Variants in RUNX1T1 observed in about 807,000 individuals in gnomAD.
The protein encoded by RUNX1T1 is RUNX1 partner transcriptional co-repressor 1, also known as protein CBFA2T1.
Under a neutral mutation model 62.8 loss-of-function variants are expected in RUNX1T1, and 4 were observed. That is an observed-to-expected ratio of 0.06 (90% confidence interval 0.03 to 0.15). The LOEUF (loss-of-function observed/expected upper bound fraction) is 0.15. Ranked by LOEUF, RUNX1T1 falls within the 10% of genes least tolerant of loss-of-function variation. The probability of loss-of-function intolerance (pLI) is 1.00; values close to 1 mark genes in which losing one functional copy is unlikely to be tolerated. For missense variants in RUNX1T1, 508 were observed against 754.3 expected (o/e 0.67, Z 3.82); for synonymous variants, 291 against 286.0 (o/e 1.02, Z -0.18).
At chr8:92,089,901 GT>G (rs1836709636) in intron 1 of RUNX1T1, among the ~76,000 whole-genome samples, 1 of 127,342 alleles carries the variant, frequency 7.9e-6, no homozygotes. Context: ...GATTTATAGT[GT>G]CACCCACCCC....
At chr8:91,994,477 C>T (rs1001225117) in intron 5 of RUNX1T1, 2 of 366,712 alleles carry the variant, frequency 5.5e-6, no homozygotes, top group Admixed American at 3.3e-5. Flanking sequence ...AATGCTAACA[C>T]AGCACCTACC....
chr8:92,075,614 T>C (rs910909930), intron 2 of RUNX1T1, among the ~76,000 whole-genome samples: 3 of 152,194 alleles, frequency 2.0e-5, no homozygotes, highest in Non-Finnish European at 2.9e-5. Flanking sequence ...ACAGAAATCA[T>C]GGCATAGTTT....
chr8:92,079,871 T>C lies in RUNX1T1; in HGVS notation c.-85-3734A>G, dbSNP rs564784031. ...TTCACTGACTTCACGGCCCTTCCCA[T>C]AGACTGCTGCACGGCCAGTTCTTCC... is the stretch of plus-strand genomic sequence containing the variant. On this transcript the variant is annotated intron_variant, in intron 1 of 11. Transcript: ENST00000265814. Among the ~76,000 whole-genome samples, 5 of 152,232 alleles carry C rather than the reference T, an allele frequency of 3.3e-5. No homozygotes were observed. The East Asian group carries it at 5.8e-4, about 18-fold the overall frequency.
intron 10 of RUNX1T1, among the ~76,000 whole-genome samples, chr8:91,970,365 C>T (rs1736185627): frequency 6.6e-6 from 1 of 152,148 alleles, no homozygotes; most frequent in South Asian, 2.1e-4. Context: ...ACATACACAA[C>T]AGACACACAC....
intron 1 of RUNX1T1, among the ~76,000 whole-genome samples, chr8:92,098,234 T>C (rs1164287312): frequency 6.6e-6 from 1 of 152,252 alleles, no homozygotes; most frequent in Non-Finnish European, 1.5e-5. Flanking sequence ...GTAATTCTTA[T>C]GTTAATTATG....
chr8:92,062,734 G>T (rs765508167), exon 1 of RUNX1T1: 1 of 1,584,312 alleles, frequency 6.3e-7, no homozygotes, highest in Admixed American at 1.8e-5. Context: ...CAGATGGAGA[G>T]CTGACACTCC....
rs1185916690 is a variant in RUNX1T1 at position 91,975,801 on chromosome 8, T to C, written c.1267+104A>G. The C allele has an allele frequency of 4.2e-6, 3 of 713,502 alleles. No individual in the cohort carries two copies. The African/African-American group carries it at 5.3e-5, about 13-fold the overall frequency. 44.2% of individuals were successfully genotyped at this position (713,502 alleles called of 1,614,324 possible). A position where few individuals can be genotyped will look rare whatever the true frequency, so the allele number is the denominator to read the frequency against. On this transcript the variant is annotated intron_variant, in intron 9 of 10. Transcript: ENST00000396218. ...TGTTTTGTTTTGTTTTTGCTGTTGT[T>C]GTTGTTAGCAGTAAAGTCCTTTCTT...
chr8:92,008,417 C>T (rs1390223140), intron 4 of RUNX1T1, among the ~76,000 whole-genome samples: 1 of 151,450 alleles, frequency 6.6e-6, no homozygotes, highest in Admixed American at 6.6e-5. Context: ...CACACACACA[C>T]ACACACACAC....
intron 5 of RUNX1T1, among the ~76,000 whole-genome samples, chr8:91,999,994 G>C (rs949550452): frequency 6.6e-6 from 1 of 152,148 alleles, no homozygotes; most frequent in Non-Finnish European, 1.5e-5. Context: ...GTACAACTGT[G>C]TTATCTTTAA....
chr8:92,082,350 G>C (rs1475663518), intron 1 of RUNX1T1, among the ~76,000 whole-genome samples: 1 of 152,182 alleles, frequency 6.6e-6, no homozygotes, highest in Non-Finnish European at 1.5e-5. Context: ...AATTCCAGGA[G>C]AGTAGTAAGC....
intron 1 of RUNX1T1, among the ~76,000 whole-genome samples, chr8:92,030,481 A>G (rs1312961778): frequency 6.6e-6 from 1 of 152,194 alleles, no homozygotes; most frequent in Non-Finnish European, 1.5e-5. Context: ...TGGACTCCTT[A>G]TTCTCTTTAG....
chr8:92,028,035 G>A (rs1825546654), intron 1 of RUNX1T1, among the ~76,000 whole-genome samples: 1 of 139,512 alleles, frequency 7.2e-6, no homozygotes, highest in Admixed American at 7.6e-5. Flanking sequence ...GAAATAGTAG[G>A]CATTGGATGG....
chr8:91,991,235 G>A (rs114769339), intron 6 of RUNX1T1, among the ~76,000 whole-genome samples: 3,528 of 152,174 alleles, frequency 0.023, 131 homozygotes, highest in African/African-American at 0.08. Context: ...GAGACTATCT[G>A]AAACAAAAGA....
intron 9 of RUNX1T1, among the ~76,000 whole-genome samples, 162 bp downstream of exon 10, chr8:91,975,743 T>G (rs533370493): frequency 6.6e-6 from 1 of 152,330 alleles, no homozygotes; most frequent in African/African-American, 2.4e-5. Context: ...GGTTTAAGAA[T>G]ATTAATCAGG....
At chr8:92,102,462 A>G (rs1838083528), upstream of RUNX1T1, among the ~76,000 whole-genome samples, 1 of 151,784 alleles carries the variant, frequency 6.6e-6, no homozygotes, top group Non-Finnish European at 1.5e-5. The surrounding 1 kb of genome is among the most constrained non-coding windows in gnomAD (Gnocchi z 4.5). Flanking sequence ...AAAACCCACG[A>G]TGCGGGCATA....
intron 5 of RUNX1T1, 48 bp downstream of exon 6, chr8:92,005,068 G>C (rs112062196): frequency 6.7e-7 from 1 of 1,490,550 alleles, no homozygotes; most frequent in Non-Finnish European, 9.1e-7. Flanking sequence ...TCATGCCACA[G>C]GTATGGGAAA....
chr8:92,005,068 G>T, intron 5 of RUNX1T1, 48 bp downstream of exon 6: 1 of 1,490,548 alleles, frequency 6.7e-7, no homozygotes. Flanking sequence ...TCATGCCACA[G>T]GTATGGGAAA....
intron 1 of RUNX1T1, among the ~76,000 whole-genome samples, chr8:92,058,626 A>C: frequency 6.6e-6 from 1 of 152,216 alleles, no homozygotes; most frequent in Non-Finnish European, 1.5e-5. Flanking sequence ...CAAGTCCCTT[A>C]ATCTCTAGGA....
At chr8:91,980,448 T>C (rs1264051004) in intron 8 of RUNX1T1, among the ~76,000 whole-genome samples, 3 of 152,178 alleles carry the variant, frequency 2.0e-5, no homozygotes, top group East Asian at 1.9e-4. Flanking sequence ...AGCCTTGTAT[T>C]ATGAATTAGG....
Sources: gnomAD v4.1 joint callset for allele counts (sites outside exome capture counted in the v4.1 genomes callset) on GRCh38, gnomAD v4.1.1 for gene constraint, Gnocchi (gnomAD v3.1) non-coding constraint, MANE v1.5 for transcripts, NCBI Gene and HGNC (gene_info 2026-07-23, HGNC 2026-07-21) for gene names.